Variants in CLVS1 observed in about 807,000 individuals in gnomAD.
The protein encoded by CLVS1 is clavesin 1, also known as clavesin-1.
In CLVS1, 10 loss-of-function variants were observed where a neutral mutation model predicts 33.1. That is an observed-to-expected ratio of 0.30 (90% CI 0.19 to 0.51). The LOEUF is 0.51. Ranked by LOEUF, CLVS1 falls within the 20% of genes least tolerant of loss-of-function variation. The pLI, the probability that CLVS1 is intolerant of heterozygous loss-of-function variation, is 0.97. For synonymous variants in CLVS1, 163 were observed against 166.1 expected (o/e 0.98, Z 0.14); for missense variants, 343 against 433.4 (o/e 0.79, Z 1.85).
At position 61,128,363 on chromosome 8, in the gene CLVS1, A is replaced by G. The variant is rs189256008; in HGVS notation, c.-242-3407A>G. Among the ~76,000 whole-genome samples, 5 of 152,032 alleles carry G rather than the reference A, an allele frequency of 3.3e-5. No homozygotes were observed. In the East Asian group the frequency reaches 9.7e-4, roughly 29 times the overall value. On this transcript the variant is annotated intron_variant, in intron 1 of 2. Coordinates refer to the CLVS1 transcript ENST00000522621. The stretch of plus-strand genomic sequence containing the variant: ...GATGCTTTCAAATATATTACCTCAG[A>G]CTCTTTGACAGTCAGAACTGGCCAC...
At chr8:60,972,525 A>G in the CLVS1 span, among the ~76,000 whole-genome samples, 1 of 152,194 alleles carries the variant, frequency 6.6e-6, no homozygotes, top group Non-Finnish European at 1.5e-5. Flanking sequence ...ACCAGCCATT[A>G]TTCTGGAGGT....
chr8:61,055,458 T>C (rs866153807), upstream of CLVS1, among the ~76,000 whole-genome samples: 27 of 152,366 alleles, frequency 1.8e-4, no homozygotes, highest in Middle Eastern at 6.8e-3. Flanking sequence ...TAATTTACTT[T>C]GGTCTTCCCC....
intron 2 of CLVS1, among the ~76,000 whole-genome samples, chr8:61,257,985 A>T (rs1809121960): frequency 6.6e-6 from 1 of 152,138 alleles, no homozygotes; most frequent in African/African-American, 2.4e-5. Context: ...GACTACTACC[A>T]CTGAGAGAGC....
chr8:61,311,595 C>T (rs139003459), intron 2 of CLVS1, among the ~76,000 whole-genome samples: 4 of 152,278 alleles, frequency 2.6e-5, no homozygotes, highest in African/African-American at 4.8e-5. Flanking sequence ...CCGAAAATGT[C>T]GTTACAAAGG....
intron 1 of CLVS1, among the ~76,000 whole-genome samples, chr8:61,080,490 G>C (rs1356958606): frequency 6.6e-6 from 1 of 152,170 alleles, no homozygotes; most frequent in Non-Finnish European, 1.5e-5. Context: ...GAAAATCTCT[G>C]AGTTCTAGCA....
chr8:61,205,562 C>T (rs1289187811), intron 2 of CLVS1, among the ~76,000 whole-genome samples: 2 of 152,176 alleles, frequency 1.3e-5, no homozygotes, highest in East Asian at 3.8e-4. Context: ...CTGCTATGAA[C>T]ATGATGTGCA....
intron 1 of CLVS1, among the ~76,000 whole-genome samples, chr8:61,125,911 C>T (rs537897464): frequency 7.2e-5 from 11 of 151,854 alleles, no homozygotes; most frequent in South Asian, 2.1e-4. Flanking sequence ...CAACAATTAA[C>T]GGAAAACAGC....
intron 3 of CLVS1, among the ~76,000 whole-genome samples, chr8:61,427,786 A>G (rs1692120052): frequency 6.6e-6 from 1 of 152,236 alleles, no homozygotes; most frequent in Admixed American, 6.5e-5. Context: ...AAAGATTTCC[A>G]TAAATATATC....
At chr8:61,006,518 A>T in the CLVS1 span, among the ~76,000 whole-genome samples, 1 of 152,192 alleles carries the variant, frequency 6.6e-6, no homozygotes, top group Non-Finnish European at 1.5e-5. Flanking sequence ...CAGGTGACCC[A>T]CGACACAGTG....
intron 3 of CLVS1, among the ~76,000 whole-genome samples, chr8:61,438,194 A>G (rs1247022403): frequency 6.6e-6 from 1 of 151,944 alleles, no homozygotes; most frequent in Non-Finnish European, 1.5e-5. Context: ...ACCTCCCCCA[A>G]CAGGCACCAG....
At chr8:61,060,507 T>A (rs1804563381) in intron 1 of CLVS1, among the ~76,000 whole-genome samples, 1 of 152,204 alleles carries the variant, frequency 6.6e-6, no homozygotes, top group African/African-American at 2.4e-5. Context: ...TTTAAATTGG[T>A]ATTTTTCTCT....
intron 5 of CLVS1, among the ~76,000 whole-genome samples, chr8:61,491,471 T>C (rs1804087097): frequency 6.6e-6 from 1 of 152,190 alleles, no homozygotes; most frequent in African/African-American, 2.4e-5. Context: ...CTATAACAAC[T>C]TCAAAAAGAA....
the CLVS1 span, among the ~76,000 whole-genome samples, chr8:60,989,414 C>T: frequency 7.2e-5 from 11 of 152,144 alleles, no homozygotes; most frequent in South Asian, 1.0e-3. Flanking sequence ...TCCTGACAGG[C>T]GATCCACCCA....
intron 3 of CLVS1, among the ~76,000 whole-genome samples, chr8:61,414,259 A>G (rs76877568): frequency 1.4e-3 from 214 of 152,350 alleles, no homozygotes; most frequent in African/African-American, 5.0e-3. Context: ...AATGGAATGC[A>G]TAACGTGAGA....
the CLVS1 span, among the ~76,000 whole-genome samples, chr8:60,993,871 G>C: frequency 6.6e-6 from 1 of 152,178 alleles, no homozygotes; most frequent in Non-Finnish European, 1.5e-5. Context: ...TCTTTTCAAG[G>C]CCATGGAGTG....
chr8:61,183,492 A>AT (rs199770866), intron 2 of CLVS1, among the ~76,000 whole-genome samples: 6,088 of 151,966 alleles, frequency 0.04, 145 homozygotes, highest in African/African-American at 0.054. Context: ...CAGACAGTTA[A>AT]TTTTTTTTAT....
chr8:61,202,499 G>A (rs531885717), intron 2 of CLVS1: 70 of 954,786 alleles, frequency 7.3e-5, no homozygotes, highest in Non-Finnish European at 1.1e-4. Context: ...GTCAGTTTAG[G>A]GGCTGGTGCA....
At chr8:61,028,307 A>G in the CLVS1 span, among the ~76,000 whole-genome samples, 1 of 152,256 alleles carries the variant, frequency 6.6e-6, no homozygotes, top group Non-Finnish European at 1.5e-5. Context: ...TAAGGATCCG[A>G]GTAATATGAA....
chr8:61,254,787 G>C (rs537332169), intron 2 of CLVS1, among the ~76,000 whole-genome samples: 73 of 152,198 alleles, frequency 4.8e-4, no homozygotes, highest in Middle Eastern at 3.4e-3. Context: ...TATTAGGGTG[G>C]GACTGACCCG....
Sources: gnomAD v4.1 joint callset for allele counts (sites outside exome capture counted in the v4.1 genomes callset) on GRCh38, gnomAD v4.1.1 for gene constraint, MANE v1.5 for transcripts, NCBI Gene and HGNC (gene_info 2026-07-23, HGNC 2026-07-21) for gene names.